The following ITGA8 variants were observed in gnomAD, a reference collection of about 807,000 sequenced individuals.
The protein encoded by ITGA8 is integrin subunit alpha 8, also known as integrin alpha-8.
Under a neutral mutation model 142.3 loss-of-function variants are expected in ITGA8, and 91 were observed. That is an observed-to-expected ratio of 0.64 (90% CI 0.54 to 0.76). The LOEUF is 0.76. Ranked by LOEUF, ITGA8 falls within the 30% of genes least tolerant of loss-of-function variation. The pLI is 0.00. For synonymous variants in ITGA8, 505 were observed against 485.2 expected (o/e 1.04, Z -0.54); for missense variants, 1,406 against 1,327.7 (o/e 1.06, Z -0.92).
At chr10:15,669,728 A>G (rs1834472219) in intron 8 of ITGA8, among the ~76,000 whole-genome samples, 1 of 152,056 alleles carries the variant, frequency 6.6e-6, no homozygotes, top group Non-Finnish European at 1.5e-5. Context: ...TTTTCCTTCT[A>G]ACAGACAGGA....
intron 24 of ITGA8, among the ~76,000 whole-genome samples, chr10:15,573,948 G>T (rs1016298384): frequency 6.6e-6 from 1 of 151,294 alleles, no homozygotes; most frequent in African/African-American, 2.4e-5. Context: ...CTAACCCTTT[G>T]CTATATGTTG....
At chr10:15,641,973 C>G (rs898730341) in intron 13 of ITGA8, among the ~76,000 whole-genome samples, 8 of 151,976 alleles carry the variant, frequency 5.3e-5, no homozygotes, top group African/African-American at 1.9e-4. Flanking sequence ...ACTAAAACTA[C>G]AAAAATGAGC....
In ITGA8 at chr10:15,592,119, T is replaced by A. The variant is rs1044903728; in HGVS notation, c.2291+106A>T. ...GGGCTGTGAAAGTCTGGGTTCTAAT[T>A]TCAGGTGAGCTTTTAAGGCCAAGGG... On this transcript the variant is annotated intron_variant, in intron 22 of 29. Coordinates refer to ENST00000378076, the MANE Select transcript of ITGA8 (RefSeq NM_003638.3). 4.5e-6 allele frequency: 3 copies of A among 670,868 alleles called. No homozygotes were observed. The African/African-American group carries it at 5.4e-5, about 12-fold the overall frequency. The allele number at this position is 670,868 out of a possible 1,614,324, so 41.6% of individuals were successfully genotyped here.
At chr10:15,619,068 A>G (rs191226114) in intron 13 of ITGA8, among the ~76,000 whole-genome samples, 132 of 152,204 alleles carry the variant, frequency 8.7e-4, no homozygotes, top group African/African-American at 3.0e-3. Flanking sequence ...GGGATAGCTG[A>G]GGTTTGTTCT....
chr10:15,707,967 C>CACACCG (rs766669442), intron 2 of ITGA8, among the ~76,000 whole-genome samples: 1 of 121,420 alleles, frequency 8.2e-6, no homozygotes, highest in African/African-American at 2.7e-5. Flanking sequence ...CACCGACACA[C>CACACCG]ACACACACAC....
At chr10:15,661,689 T>A (rs1019627270) in intron 8 of ITGA8, among the ~76,000 whole-genome samples, 2 of 152,142 alleles carry the variant, frequency 1.3e-5, no homozygotes, top group Non-Finnish European at 2.9e-5. Context: ...ATTACAGTTC[T>A]GGTTCCGTCT....
chr10:15,669,968 A>C (rs1411807340), intron 8 of ITGA8, among the ~76,000 whole-genome samples: 2 of 152,160 alleles, frequency 1.3e-5, no homozygotes, highest in African/African-American at 4.8e-5. Flanking sequence ...TCAGGGACCC[A>C]CTTGAGGAGG....
intron 2 of ITGA8, among the ~76,000 whole-genome samples, chr10:15,694,219 T>A (rs1156292375): frequency 7.2e-6 from 1 of 138,298 alleles, no homozygotes; most frequent in African/African-American, 2.6e-5. Context: ...TATGATAACA[T>A]ATCATATATA....
rs757408106 is a variant in ITGA8, at chr10:15,677,658, C to A, written c.631-21G>T. The A allele has an allele frequency of 9.3e-6, 15 of 1,606,856 alleles. No homozygotes were observed. The Admixed American group carries it at 2.5e-4, about 27-fold the overall frequency. On this transcript the variant is annotated intron_variant, in intron 5 of 29. Coordinates refer to ENST00000378076, the MANE Select transcript of ITGA8 (RefSeq NM_003638.3). ...CCATTCTACAAAACAGAAACAGCAA[C>A]AGCAACCATAATTGGAAAAGAAATA...
At chr10:15,598,874 A>T (rs372167616) in intron 20 of ITGA8, among the ~76,000 whole-genome samples, 1 of 152,178 alleles carries the variant, frequency 6.6e-6, no homozygotes, top group African/African-American at 2.4e-5. Flanking sequence ...CATCTTTTCA[A>T]AAAGGTGGTA....
At chr10:15,547,557 G>T (rs1168756127) in intron 27 of ITGA8, among the ~76,000 whole-genome samples, 2 of 152,178 alleles carry the variant, frequency 1.3e-5, no homozygotes, top group African/African-American at 4.8e-5. Flanking sequence ...GGGTAACAGA[G>T]CAAGACTCCA....
At chr10:15,555,511 G>A (rs918155887) in intron 26 of ITGA8, among the ~76,000 whole-genome samples, 1 of 152,204 alleles carries the variant, frequency 6.6e-6, no homozygotes, top group Non-Finnish European at 1.5e-5. Flanking sequence ...TCAGTGCACC[G>A]TGGCACCTCA....
chr10:15,532,648 T>C (rs1258005594), intron 27 of ITGA8, among the ~76,000 whole-genome samples: 1 of 152,008 alleles, frequency 6.6e-6, no homozygotes, highest in Non-Finnish European at 1.5e-5. Flanking sequence ...GAACTGAAGC[T>C]TCTGTGGCTC....
intron 9 of ITGA8, among the ~76,000 whole-genome samples, chr10:15,660,495 T>G (rs557055576): frequency 2.0e-5 from 3 of 152,346 alleles, no homozygotes; most frequent in African/African-American, 7.2e-5. Flanking sequence ...AATGAAACAT[T>G]TCTTTGCGTA....
intron 13 of ITGA8, among the ~76,000 whole-genome samples, chr10:15,617,896 C>A (rs1833423434): frequency 1.3e-5 from 2 of 152,070 alleles, no homozygotes; most frequent in South Asian, 4.1e-4. Context: ...TATTATGTAG[C>A]CATAAAAATG....
At chr10:15,670,263 G>A (rs536150453) in intron 8 of ITGA8, among the ~76,000 whole-genome samples, 8 of 152,312 alleles carry the variant, frequency 5.3e-5, no homozygotes, top group South Asian at 2.1e-4. Flanking sequence ...AATATTACCC[G>A]TTGAGTGAAA....
rs769889947 is a variant in ITGA8 at position 15,655,335 on chromosome 10, G to T, written c.1001+19C>A. On this transcript the variant is annotated intron_variant, in intron 11 of 29. Transcript: ENST00000378076. ...GATGAATGTAATATATTGTATATGA[G>T]AGAGGTCTATAAACTTACCCATCAC... 2.0e-6 allele frequency: 3 copies of T among 1,485,080 alleles called. No individual in the cohort carries two copies. The highest frequency in any genetic ancestry group is 2.8e-5 in the African/African-American group (2 of 72,178). The allele number at this position is 1,485,080 out of a possible 1,614,324, so 92.0% of individuals were successfully genotyped here. A position where few individuals can be genotyped will look rare whatever the true frequency, so the allele number is the denominator to read the frequency against.
chr10:15,590,784 G>T (rs2131595553), intron 22 of ITGA8, among the ~76,000 whole-genome samples: 1 of 152,212 alleles, frequency 6.6e-6, no homozygotes, highest in East Asian at 1.9e-4. Flanking sequence ...TATTACAGAA[G>T]AATTTATTCC....
chr10:15,604,043 C>A (rs879354928), intron 20 of ITGA8, among the ~76,000 whole-genome samples, 165 bp downstream of exon 20: 6 of 152,110 alleles, frequency 3.9e-5, no homozygotes, highest in Non-Finnish European at 7.4e-5. Context: ...TGTGTAAGCC[C>A]ACCCCTGCTT....
Sources: gnomAD v4.1 joint callset for allele counts (sites outside exome capture counted in the v4.1 genomes callset) on GRCh38, gnomAD v4.1.1 for gene constraint, MANE v1.5 for transcripts, NCBI Gene and HGNC (gene_info 2026-07-23, HGNC 2026-07-21) for gene names.